SLC35B4: variants seen among roughly 807,000 people sequenced by gnomAD.
SLC35B4 encodes the protein nucleotide sugar transporter SLC35B4.
A neutral mutation model predicts 39.5 loss-of-function variants in SLC35B4; 28 were observed. The observed-to-expected ratio is 0.71, with a 90% CI of 0.53 to 0.97. The LOEUF is 0.97. Ranked by LOEUF, SLC35B4 falls within the 50% of genes least tolerant of loss-of-function variation. The probability of loss-of-function intolerance (pLI) is 0.00; values close to 1 mark genes in which losing one functional copy is unlikely to be tolerated. For missense variants in SLC35B4, 334 were observed against 414.3 expected (o/e 0.81, Z 1.68); for synonymous variants, 145 against 150.4 (o/e 0.96, Z 0.26).
upstream of SLC35B4, among the ~76,000 whole-genome samples, chr7:134,317,804 C>T (rs564556436): frequency 1.3e-5 from 2 of 148,764 alleles, no homozygotes; most frequent in African/African-American, 5.2e-5. Context: ...GCTAGTGCGG[C>T]ACTATTCTTT....
At chr7:134,312,275 A>C (rs945966327) in intron 1 of SLC35B4, among the ~76,000 whole-genome samples, 1 of 152,182 alleles carries the variant, frequency 6.6e-6, no homozygotes, top group African/African-American at 2.4e-5. Context: ...AGTGCCAAGC[A>C]CAAGAGGTAA....
rs1183436558 is a variant in SLC35B4, at chr7:134,291,031, T to G, written c.*3802A>C. 1 of 152,214 alleles carries G rather than the reference T, an allele frequency of 6.6e-6. No individual in the cohort carries two copies. The highest frequency in any genetic ancestry group is 2.4e-5 in the African/African-American group (1 of 41,444). The allele number at this position is 152,214 out of a possible 1,614,324, so 9.4% of individuals were successfully genotyped here. A position where few individuals can be genotyped will look rare whatever the true frequency, so the allele number is the denominator to read the frequency against. On this transcript the variant is annotated 3_prime_UTR_variant, in exon 10 of 10. Coordinates refer to ENST00000378509, the MANE Select transcript of SLC35B4 (RefSeq NM_032826.5). Reference sequence around the variant, plus strand: ...TTTACTTCCCCTCTCCATAGGTATCTGGCACTGTTGAGTGAAGCCAGTTAA... The same window carrying G: ...TTTACTTCCCCTCTCCATAGGTATCGGGCACTGTTGAGTGAAGCCAGTTAA...
chr7:134,301,881 T>C, intron 5 of SLC35B4, 60 bp from the exon 6 acceptor site: 10 of 1,543,836 alleles, frequency 6.5e-6, no homozygotes, highest in Non-Finnish European at 8.0e-6. Context: ...GGTGCCGACA[T>C]ACAAGGGAAA....
intron 8 of SLC35B4, among the ~76,000 whole-genome samples, chr7:134,298,021 A>G (rs1337054650): frequency 6.6e-6 from 1 of 152,214 alleles, no homozygotes; most frequent in East Asian, 1.9e-4. Context: ...TTGTATTACT[A>G]AATTTTTTTC....
At chr7:134,298,165 T>G (rs779807249) in intron 8 of SLC35B4, among the ~76,000 whole-genome samples, 4 of 152,180 alleles carry the variant, frequency 2.6e-5, no homozygotes, top group Non-Finnish European at 5.9e-5. Context: ...AAAGACTAAT[T>G]TTTGAAACTT....
chr7:134,314,550 T>G (rs1162128986), intron 1 of SLC35B4, among the ~76,000 whole-genome samples: 1 of 152,236 alleles, frequency 6.6e-6, no homozygotes, highest in Non-Finnish European at 1.5e-5. Context: ...TTTTTTTATT[T>G]TTTGAGACGT....
chr7:134,302,937 A>G (rs1465043135), intron 4 of SLC35B4, among the ~76,000 whole-genome samples: 1 of 152,182 alleles, frequency 6.6e-6, no homozygotes, highest in Admixed American at 6.5e-5. Flanking sequence ...GGGAGGAAGC[A>G]GGTACGAGCG....
At chr7:134,312,621 T>C (rs937586614) in intron 1 of SLC35B4, among the ~76,000 whole-genome samples, 64 of 152,342 alleles carry the variant, frequency 4.2e-4, no homozygotes, top group African/African-American at 1.5e-3. Context: ...TAGAATCTTA[T>C]AATTTCTACA....
Position 134,291,987 on chromosome 7 carries a change from G to T in SLC35B4, c.*2846C>A, listed in dbSNP as rs1289673324. On this transcript the variant is annotated 3_prime_UTR_variant, in exon 10 of 10. Coordinates refer to ENST00000378509, the MANE Select transcript of SLC35B4 (RefSeq NM_032826.5). ...GCACACACACACACTGTATTTTCTG[G>T]CTAGTGTCCTTTGCTATTTGATTTT... The T allele has an allele frequency of 6.6e-6, 1 of 152,510 alleles. No homozygotes were observed. The highest frequency in any genetic ancestry group is 2.4e-5 in the African/African-American group (1 of 41,436). The allele number at this position is 152,510 out of a possible 1,614,324, so 9.4% of individuals were successfully genotyped here.
In SLC35B4 at chr7:134,292,725, T is replaced by C. The variant is rs1390575511; in HGVS notation, c.*2108A>G. 1 of 152,170 alleles carries C rather than the reference T, an allele frequency of 6.6e-6. No homozygotes were observed. Among genetic ancestry groups the C allele is most frequent in the African/African-American group, 2.4e-5 (1 of 41,432 alleles). The allele number at this position is 152,170 out of a possible 1,614,324, so 9.4% of individuals were successfully genotyped here. On this transcript the variant is annotated 3_prime_UTR_variant, in exon 10 of 10. Coordinates refer to ENST00000378509, the MANE Select transcript of SLC35B4 (RefSeq NM_032826.5). ...GCTTTTGTTGCTTTTAAAAGGTTAT[T>C]TAACACTTGGATATTTCTAGCACCG...
intron 2 of SLC35B4, 125 bp downstream of exon 2, chr7:134,309,238 CTTA>C (rs1161611397): frequency 3.8e-5 from 22 of 580,118 alleles, no homozygotes; most frequent in Non-Finnish European, 3.8e-5. Context: ...CAGAAAATGA[CTTA>C]TTATTCTACT....
rs996726893 is a variant in SLC35B4 at position 134,316,854 on chromosome 7, AC to A, written c.-104del. Reference sequence around the variant, plus strand: ...GCCTCTTCGCTGCGCAGCACATCGCACCGTCCTGGAAAGCCGCTCTCACTGG... The same window carrying A: ...GCCTCTTCGCTGCGCAGCACATCGCACGTCCTGGAAAGCCGCTCTCACTGG... On this transcript the variant is annotated 5_prime_UTR_variant, in exon 1 of 10. Transcript: ENST00000378509. The A allele has an allele frequency of 4.9e-6, 6 of 1,223,538 alleles. No individual in the cohort carries two copies. In the African/African-American group the frequency reaches 7.5e-5, roughly 15 times the overall value. 75.8% of individuals were successfully genotyped at this position (1,223,538 alleles called of 1,614,324 possible). A position where few individuals can be genotyped will look rare whatever the true frequency, so the allele number is the denominator to read the frequency against.
rs759264873 is a variant in SLC35B4 at position 134,295,002 on chromosome 7, C to T, written c.827G>A (p.Arg276His). ...GGAAAAGATGAGGCTCACAAATTTG[C>T]GTAGGGTCACGACGAGCGTGACGGT... Reference protein sequence around the residue: ...SLTVTLVVTLRKFVSLIFSIL... With the variant: ...SLTVTLVVTLHKFVSLIFSIL... Residue 276 changes from arginine (R) to histidine (H), a missense_variant, in exon 10 of 10, where the codon CGC (arginine) becomes CAC (histidine). Coordinates refer to ENST00000378509, the MANE Select transcript of SLC35B4 (RefSeq NM_032826.5). 10 of 1,614,116 alleles carry T rather than the reference C, an allele frequency of 6.2e-6. No individual in the cohort carries two copies. Among genetic ancestry groups the T allele is most frequent in the East Asian group, 2.2e-5 (1 of 44,874 alleles).
At chr7:134,309,318 A>T in intron 2 of SLC35B4, 48 bp downstream of exon 2, 3 of 1,165,414 alleles carry the variant, frequency 2.6e-6, no homozygotes, top group Non-Finnish European at 3.6e-6. Context: ...CCACCTCTTT[A>T]CTTTCTTAAA....
At chr7:134,317,794 G>GTA (rs1415235785), upstream of SLC35B4, among the ~76,000 whole-genome samples, 1,836 of 152,278 alleles carry the variant, frequency 0.012, 39 homozygotes, top group African/African-American at 0.042. Context: ...ACGTACATAA[G>GTA]CTAGTGCGGC....
chr7:134,316,834 T>G lies in SLC35B4; in HGVS notation c.-83A>C. On this transcript the variant is annotated 5_prime_UTR_variant, in exon 1 of 10. Transcript: ENST00000378509. ...CCCCAGGAAGCCGGCCTCCTGCCTC[T>G]TCGCTGCGCAGCACATCGCACCGTC... 7.3e-7 allele frequency: 1 copy of G among 1,372,580 alleles called. No homozygotes were observed. Among genetic ancestry groups the G allele is most frequent in the East Asian group, 2.5e-5 (1 of 39,974 alleles). The allele number at this position is 1,372,580 out of a possible 1,614,324, so 85.0% of individuals were successfully genotyped here. A position where few individuals can be genotyped will look rare whatever the true frequency, so the allele number is the denominator to read the frequency against.
At chr7:134,319,855 A>G (rs1214132138), upstream of SLC35B4, among the ~76,000 whole-genome samples, 2 of 152,004 alleles carry the variant, frequency 1.3e-5, no homozygotes, top group Non-Finnish European at 2.9e-5. Flanking sequence ...TTTATATCCC[A>G]TCGGTTCCAC....
chr7:134,290,023 C>A lies in SLC35B4; in HGVS notation c.*4810G>T, dbSNP rs900329439. 1 of 152,178 alleles carries A rather than the reference C, an allele frequency of 6.6e-6. No individual in the cohort carries two copies. The highest frequency in any genetic ancestry group is 2.4e-5 in the African/African-American group (1 of 41,448). The allele number at this position is 152,178 out of a possible 1,614,324, so 9.4% of individuals were successfully genotyped here. A position where few individuals can be genotyped will look rare whatever the true frequency, so the allele number is the denominator to read the frequency against. Reference sequence around the variant, plus strand: ...AGTGATCTCCAGGCATCAGCTTCAGCTGCTACAAGCTAACTGTACCAACTA... The same window carrying A: ...AGTGATCTCCAGGCATCAGCTTCAGATGCTACAAGCTAACTGTACCAACTA... On this transcript the variant is annotated 3_prime_UTR_variant, in exon 10 of 10. Transcript: ENST00000378509.
At chr7:134,297,500 A>G (rs1392437599) in intron 8 of SLC35B4, among the ~76,000 whole-genome samples, 1 of 152,220 alleles carries the variant, frequency 6.6e-6, no homozygotes, top group African/African-American at 2.4e-5. Context: ...CTACATAAAC[A>G]AAGGCACTTT....
Sources: gnomAD v4.1 joint callset for allele counts (sites outside exome capture counted in the v4.1 genomes callset) on GRCh38, gnomAD v4.1.1 for gene constraint, MANE v1.5 for transcripts, NCBI Gene and HGNC (gene_info 2026-07-23, HGNC 2026-07-21) for gene names.